Variants in ELMO1 observed in about 807,000 individuals in gnomAD.
ELMO1 encodes engulfment and cell motility 1, also known as engulfment and cell motility protein 1.
In ELMO1, 26 loss-of-function variants were observed where a neutral mutation model predicts 98.9. The ratio of observed to expected loss-of-function variants is 0.26; its 90% CI spans 0.19 to 0.36. The LOEUF (loss-of-function observed/expected upper bound fraction) is 0.36. ELMO1 is among the 10% of genes least tolerant of loss of function. The probability of loss-of-function intolerance (pLI) is 1.00; values close to 1 mark genes in which losing one functional copy is unlikely to be tolerated. For synonymous variants in ELMO1, 346 were observed against 346.0 expected (o/e 1.00, Z 0.00); for missense variants, 627 against 935.2 (o/e 0.67, Z 4.30).
At chr7:37,264,731 C>CCCAGACT (rs1796155558) in intron 5 of ELMO1, among the ~76,000 whole-genome samples, 1 of 152,086 alleles carries the variant, frequency 6.6e-6, no homozygotes, top group African/African-American at 2.4e-5. Context: ...GGGTTCTGGA[C>CCCAGACT]CCAGACTCCA....
intron 1 of ELMO1, among the ~76,000 whole-genome samples, chr7:37,378,271 G>A (rs1802439863): frequency 6.6e-6 from 1 of 152,164 alleles, no homozygotes; most frequent in African/African-American, 2.4e-5. Flanking sequence ...GGCCAGTGCT[G>A]GGGTACTGTG....
intron 15 of ELMO1, among the ~76,000 whole-genome samples, chr7:37,048,779 T>C (rs754619864): frequency 6.6e-6 from 1 of 152,226 alleles, no homozygotes; most frequent in African/African-American, 2.4e-5. Flanking sequence ...ACAAAGCCAA[T>C]GTCCTTTAAA....
At chr7:36,874,788 G>A in intron 19 of ELMO1, among the ~76,000 whole-genome samples, 1 of 152,182 alleles carries the variant, frequency 6.6e-6, no homozygotes, top group South Asian at 2.1e-4. Flanking sequence ...TTTATTGGGG[G>A]CTATGACAAC....
intron 6 of ELMO1, among the ~76,000 whole-genome samples, chr7:37,253,271 T>G (rs192237398): frequency 6.6e-6 from 1 of 152,204 alleles, no homozygotes; most frequent in African/African-American, 2.4e-5. Context: ...TAAAGACACA[T>G]GCACACGTAT....
intron 18 of ELMO1, among the ~76,000 whole-genome samples, chr7:36,887,086 C>T (rs1287531849): frequency 6.6e-6 from 1 of 152,186 alleles, no homozygotes. Context: ...TCTTCTGTGA[C>T]TTTGGGCCAG....
chr7:36,876,505 T>C (rs925946491), intron 19 of ELMO1, among the ~76,000 whole-genome samples: 3 of 152,140 alleles, frequency 2.0e-5, no homozygotes, highest in African/African-American at 7.2e-5. Flanking sequence ...GAATCACAGT[T>C]CTGAAACTTG....
chr7:36,997,291 T>C (rs1471873560), intron 16 of ELMO1, among the ~76,000 whole-genome samples: 1 of 152,240 alleles, frequency 6.6e-6, no homozygotes, highest in Non-Finnish European at 1.5e-5. Flanking sequence ...TTTTGTTTTT[T>C]TCTGTCTTAA....
chr7:37,097,741 G>T (rs547139207), intron 14 of ELMO1, among the ~76,000 whole-genome samples: 21 of 152,258 alleles, frequency 1.4e-4, no homozygotes, highest in African/African-American at 5.1e-4. Flanking sequence ...TCAGAAAAAA[G>T]AAAATAAAAC....
rs536224575 is a variant in ELMO1 at position 37,145,756 on chromosome 7, G to A, written c.1087-12522C>T. ...GAGTTAATATTTGTGTTATAATAGC[G>A]TCTACATTTGCTGAACAAATACAGC... On this transcript the variant is annotated intron_variant, in intron 13 of 21. Transcript: ENST00000310758. 1.2e-4 allele frequency among the ~76,000 whole-genome samples: 19 copies of A among 152,258 alleles called. No homozygotes were observed. The South Asian group carries it at 2.3e-3, about 18-fold the overall frequency.
At chr7:37,348,501 AT>A (rs1432409022) in intron 1 of ELMO1, among the ~76,000 whole-genome samples, 1 of 152,112 alleles carries the variant, frequency 6.6e-6, no homozygotes, top group Non-Finnish European at 1.5e-5. Flanking sequence ...TTAAGATTCT[AT>A]CACCTCGATA....
At chr7:37,306,231 G>T (rs184830557) in intron 4 of ELMO1, among the ~76,000 whole-genome samples, 1 of 152,214 alleles carries the variant, frequency 6.6e-6, no homozygotes, top group East Asian at 1.9e-4. Flanking sequence ...ATAATAGGAG[G>T]GAGATAAAGA....
chr7:37,384,264 C>T (rs558945379), intron 1 of ELMO1, among the ~76,000 whole-genome samples: 2 of 152,118 alleles, frequency 1.3e-5, no homozygotes, highest in East Asian at 3.9e-4. Context: ...ACAAATGACA[C>T]GATTAAGATG....
chr7:37,146,052 A>G (rs1399701955), intron 13 of ELMO1, among the ~76,000 whole-genome samples: 1 of 152,146 alleles, frequency 6.6e-6, no homozygotes, highest in Admixed American at 6.5e-5. Context: ...GGGAGCTTTA[A>G]AAAAAATCCT....
intron 1 of ELMO1, among the ~76,000 whole-genome samples, chr7:37,349,953 A>G (rs1052596846): frequency 2.0e-5 from 3 of 152,192 alleles, no homozygotes; most frequent in African/African-American, 4.8e-5. Flanking sequence ...GTCAGCTGAC[A>G]TTATTCAGGA....
chr7:37,002,897 G>A (rs1031411460), intron 16 of ELMO1, among the ~76,000 whole-genome samples: 4 of 152,142 alleles, frequency 2.6e-5, no homozygotes, highest in Admixed American at 2.6e-4. Flanking sequence ...AAGTTCTAGG[G>A]TATAGGTATT....
chr7:37,120,098 G>A (rs1169279396), intron 14 of ELMO1, among the ~76,000 whole-genome samples: 1 of 152,222 alleles, frequency 6.6e-6, no homozygotes, highest in Non-Finnish European at 1.5e-5. Context: ...TAACAGCTTT[G>A]TTGAGTAGGA....
At chr7:37,244,315 A>T in intron 7 of ELMO1, 41 bp downstream of exon 7, 1 of 1,602,576 alleles carries the variant, frequency 6.2e-7, no homozygotes, top group Non-Finnish European at 8.5e-7. Flanking sequence ...GGAAAGTAGG[A>T]AGGGTTAAAT....
intron 13 of ELMO1, among the ~76,000 whole-genome samples, chr7:37,157,299 T>C (rs914347256): frequency 6.6e-6 from 1 of 152,166 alleles, no homozygotes; most frequent in Admixed American, 6.6e-5. Context: ...CAACATAGTG[T>C]TGGAAGTTCT....
intron 13 of ELMO1, among the ~76,000 whole-genome samples, chr7:37,173,702 G>A (rs764287399): frequency 2.0e-4 from 31 of 152,206 alleles, no homozygotes; most frequent in Non-Finnish European, 4.4e-5. Flanking sequence ...CTTGATCAAA[G>A]CCTGTTAAGC....
Sources: gnomAD v4.1 joint callset for allele counts (sites outside exome capture counted in the v4.1 genomes callset) on GRCh38, gnomAD v4.1.1 for gene constraint, MANE v1.5 for transcripts, NCBI Gene and HGNC (gene_info 2026-07-23, HGNC 2026-07-21) for gene names.